AGXT2: variants seen among roughly 807,000 people sequenced by gnomAD.
AGXT2 encodes the protein alanine--glyoxylate aminotransferase 2, also known as alanine--glyoxylate aminotransferase 2, mitochondrial.
AGXT2 carries 61 observed loss-of-function variants against 62.5 expected under a neutral mutation model. The observed-to-expected ratio is 0.98, with a 90% CI of 0.79 to 1.21. The LOEUF (loss-of-function observed/expected upper bound fraction) is 1.21, where lower values mean the gene tolerates loss of function less well. Among genes scored for constraint, AGXT2 ranks in the 50% most tolerant of loss-of-function variants. The pLI, the probability that AGXT2 is intolerant of heterozygous loss-of-function variation, is 0.00. For synonymous variants in AGXT2, 243 were observed against 218.7 expected (o/e 1.11, Z -0.98); for missense variants, 666 against 641.5 (o/e 1.04, Z -0.41).
intron 10 of AGXT2, 83 bp from the exon 11 acceptor site, chr5:35,013,128 C>T (rs1197989079): frequency 1.6e-6 from 2 of 1,221,296 alleles, no homozygotes; most frequent in Non-Finnish European, 2.4e-6. Flanking sequence ...ACTACAGTTA[C>T]TTCGTGTTGT....
intron 4 of AGXT2, 77 bp downstream of exon 4, chr5:35,036,865 C>A: frequency 6.2e-7 from 1 of 1,603,620 alleles, no homozygotes; most frequent in Non-Finnish European, 8.5e-7. Flanking sequence ...CATAAGACTC[C>A]TGTCTCTTTG....
chr5:34,999,062 C>G (rs1396237484), intron 13 of AGXT2, among the ~76,000 whole-genome samples: 2 of 152,298 alleles, frequency 1.3e-5, no homozygotes, highest in East Asian at 3.9e-4. Flanking sequence ...ACATTTACCT[C>G]CTGGTCATTC....
chr5:35,006,978 C>A (rs1766448612), intron 12 of AGXT2, among the ~76,000 whole-genome samples: 1 of 152,098 alleles, frequency 6.6e-6, no homozygotes, highest in Non-Finnish European at 1.5e-5. Flanking sequence ...GGTGAGTCAA[C>A]AAATACAGGT....
intron 9 of AGXT2, among the ~76,000 whole-genome samples, chr5:35,024,703 T>C (rs1319232613): frequency 6.6e-6 from 1 of 152,200 alleles, no homozygotes; most frequent in Non-Finnish European, 1.5e-5. Context: ...GCGCGGTGGC[T>C]CATGCCTGTA....
At chr5:35,035,663 T>G (rs344155) in intron 4 of AGXT2, among the ~76,000 whole-genome samples, 142,697 of 152,200 alleles carry the variant, frequency 0.94, 67,379 homozygotes, top group Non-Finnish European at 1. Flanking sequence ...TTGGGTTTCT[T>G]GGCTCCTAAC....
intron 9 of AGXT2, among the ~76,000 whole-genome samples, chr5:35,021,794 A>G (rs539567014): frequency 6.6e-6 from 1 of 152,060 alleles, no homozygotes; most frequent in African/African-American, 2.4e-5. Context: ...GCAACCTACA[A>G]AACGGGAGAA....
intron 1 of AGXT2, among the ~76,000 whole-genome samples, chr5:35,044,124 C>T (rs1768094093): frequency 6.6e-6 from 1 of 152,174 alleles, no homozygotes; most frequent in Admixed American, 6.5e-5. Flanking sequence ...CCTCCATCCA[C>T]CTTAGAGGAC....
chr5:35,010,552 G>T (rs4703492), intron 11 of AGXT2, among the ~76,000 whole-genome samples: 1 of 151,874 alleles, frequency 6.6e-6, no homozygotes, highest in Non-Finnish European at 1.5e-5. Flanking sequence ...GGGCTCTGTG[G>T]GGGGCGCCTG....
In AGXT2 at chr5:35,032,768, G is replaced by T. The variant is rs779885837; in HGVS notation, c.733C>A (p.Pro245Thr). ...PWGGSHCRDS[P>T]VQTIRKCSCA... ...CTGCACTTCCTGATTGTTTGCACTG[G>T]AGAATCTCGACAGTGGCTTCCTCCC... The change falls in exon 7 of 14, where the codon CCA becomes ACA. Residue 245 changes from proline to threonine, a missense_variant. Coordinates refer to ENST00000231420, the MANE Select transcript of AGXT2 (RefSeq NM_031900.4). The T allele has an allele frequency of 1.9e-6, 3 of 1,609,774 alleles. No individual in the cohort carries two copies. In the South Asian group the frequency reaches 3.3e-5, roughly 18 times the overall value.
rs760654774 is a variant in AGXT2, at chr5:35,047,828, A to G, written c.65T>C (p.Leu22Pro). ...LCLVTSAPRILEMHPFLSLGT... is the reference protein window; with the variant it reads ...LCLVTSAPRIPEMHPFLSLGT... ...ACGGCTCAGGAAAGGATGCATCTCA[A>G]GGATCCTGGGAGCGGAAGTGACCAG... The change falls in exon 1 of 14, where the codon CTT becomes CCT. Residue 22 changes from leucine to proline, a missense_variant. By Grantham distance (98) the Leu-to-Pro change is moderately conservative. Coordinates refer to ENST00000231420, the MANE Select transcript of AGXT2 (RefSeq NM_031900.4). 1 of 1,614,056 alleles carries G rather than the reference A, an allele frequency of 6.2e-7. No individual in the cohort carries two copies. Among genetic ancestry groups the G allele is most frequent in the South Asian group, 1.1e-5 (1 of 91,086 alleles).
At chr5:35,041,223 CAAAAAA>C (rs3034208) in intron 1 of AGXT2, among the ~76,000 whole-genome samples, 6 of 51,402 alleles carry the variant, frequency 1.2e-4, no homozygotes, top group African/African-American at 5.4e-4. Context: ...CTCCCCCCGC[CAAAAAA>C]AAAAAAAAAA....
chr5:35,047,024 T>C (rs1004333266), intron 1 of AGXT2, among the ~76,000 whole-genome samples: 19 of 152,194 alleles, frequency 1.2e-4, no homozygotes, highest in Admixed American at 1.2e-3. Context: ...GGGGAGGGCC[T>C]GGGGTCAAGC....
At chr5:35,003,923 C>A (rs1766329656) in intron 12 of AGXT2, 62 bp from the exon 13 acceptor site, 2 of 1,530,648 alleles carry the variant, frequency 1.3e-6, no homozygotes, top group South Asian at 1.1e-5. Flanking sequence ...GAATTATTTG[C>A]AAGAGAGGAA....
In AGXT2 at chr5:35,006,464, A is replaced by T. The variant is rs163843; in HGVS notation, c.1339-2603T>A. Among the ~76,000 whole-genome samples, 6 of 152,080 alleles carry T rather than the reference A, an allele frequency of 3.9e-5. No homozygotes were observed. In the East Asian group the frequency reaches 9.7e-4, roughly 25 times the overall value. On this transcript the variant is annotated intron_variant, in intron 12 of 13. Transcript: ENST00000231420. The stretch of plus-strand genomic sequence containing the variant: ...ACCTTACAATCATGGCAGAAGGCAA[A>T]GGGTGAGCAGATGGGTCGTGTGGGG...
chr5:35,004,487 C>T (rs1766348396), intron 12 of AGXT2, among the ~76,000 whole-genome samples: 2 of 152,188 alleles, frequency 1.3e-5, no homozygotes, highest in Admixed American at 1.3e-4. Flanking sequence ...AGCAGGTCCC[C>T]TCCCTGTGGG....
At chr5:35,010,178 A>T in intron 11 of AGXT2, 29 bp from the exon 12 acceptor site, 1 of 1,614,008 alleles carries the variant, frequency 6.2e-7, no homozygotes, top group East Asian at 2.2e-5. Flanking sequence ...AAATGATCTT[A>T]CATGGCAGAA....
At chr5:35,013,879 T>C (rs1766741823) in intron 10 of AGXT2, 108 bp downstream of exon 10, 1 of 1,499,984 alleles carries the variant, frequency 6.7e-7, no homozygotes, top group East Asian at 2.3e-5. Flanking sequence ...AAATGCATCA[T>C]GTGGTTTCCA....
At chr5:35,035,426 C>T (rs1193991108) in intron 4 of AGXT2, 110 bp from the exon 5 acceptor site, 2 of 874,292 alleles carry the variant, frequency 2.3e-6, no homozygotes, top group East Asian at 4.8e-5. Flanking sequence ...GGAGAGTTCC[C>T]TTCAGACCAG....
rs1327316833 is a variant in AGXT2, at chr5:35,032,745, G to A, written c.756C>T (p.Cys252=). ...RDSPVQTIRK[C]SCAPDCCQAK... is the part of the protein sequence containing the mutation. Reference sequence around the variant, plus strand: ...GCCCAGTCGGACCTGGTGCACAGCTGCACTTCCTGATTGTTTGCACTGGAG... The same window carrying A: ...GCCCAGTCGGACCTGGTGCACAGCTACACTTCCTGATTGTTTGCACTGGAG... Residue 252 remains cysteine (C), a synonymous_variant, in exon 7 of 14, where the codon TGC becomes TGT. Coordinates refer to ENST00000231420, the MANE Select transcript of AGXT2 (RefSeq NM_031900.4). The A allele has an allele frequency of 1.9e-6, 3 of 1,607,770 alleles. No homozygotes were observed. The highest frequency in any genetic ancestry group is 1.3e-5 in the African/African-American group (1 of 74,842).
Sources: gnomAD v4.1 joint callset for allele counts (sites outside exome capture counted in the v4.1 genomes callset) on GRCh38, gnomAD v4.1.1 for gene constraint, MANE v1.5 for transcripts, NCBI Gene and HGNC (gene_info 2026-07-23, HGNC 2026-07-21) for gene names.